SNTG2: variants seen among roughly 807,000 people sequenced by gnomAD.
SNTG2 encodes syntrophin gamma 2, also known as gamma-2-syntrophin.
SNTG2 carries 74 observed loss-of-function variants against 70.9 expected under a neutral mutation model. The observed-to-expected ratio is 1.04, with a 90% CI of 0.86 to 1.27. The LOEUF is 1.27. Among genes scored for constraint, SNTG2 ranks in the 50% most tolerant of loss-of-function variants. SNTG2 has a pLI of 0.00. For missense variants in SNTG2, 717 were observed against 690.7 expected (o/e 1.04, Z -0.43); for synonymous variants, 278 against 273.8 (o/e 1.02, Z -0.15).
chr2:1,198,248 A>G (rs1673051767), intron 8 of SNTG2, among the ~76,000 whole-genome samples: 2 of 152,166 alleles, frequency 1.3e-5, no homozygotes, highest in South Asian at 2.1e-4. Flanking sequence ...ATGCCCCTGA[A>G]CAACCATTGG....
chr2:1,244,057 A>G (rs1348301323), intron 11 of SNTG2, among the ~76,000 whole-genome samples: 2 of 152,154 alleles, frequency 1.3e-5, no homozygotes, highest in African/African-American at 4.8e-5. Context: ...GTGGCTGGGG[A>G]AGTGGAGGAA....
At chr2:1,259,074 T>A (rs1209095871) in intron 12 of SNTG2, among the ~76,000 whole-genome samples, 3 of 152,196 alleles carry the variant, frequency 2.0e-5, no homozygotes, top group African/African-American at 4.8e-5. Flanking sequence ...CAATTGCATG[T>A]GATAGACAAG....
At chr2:1,063,387 A>G (rs900202429) in intron 1 of SNTG2, among the ~76,000 whole-genome samples, 2 of 152,156 alleles carry the variant, frequency 1.3e-5, no homozygotes, top group African/African-American at 4.8e-5. Context: ...TCAAAGAAGC[A>G]GGAGGCATTT....
chr2:1,258,386 T>C (rs1678238196), intron 12 of SNTG2, among the ~76,000 whole-genome samples: 1 of 152,238 alleles, frequency 6.6e-6, no homozygotes, highest in Non-Finnish European at 1.5e-5. Context: ...ACTTTCAAAT[T>C]GTTCCCTTTA....
At chr2:1,255,853 AAT>A (rs1262250611) in intron 12 of SNTG2, among the ~76,000 whole-genome samples, 8 of 39,558 alleles carry the variant, frequency 2.0e-4, no homozygotes, top group Non-Finnish European at 2.8e-4. Flanking sequence ...AATATATATA[AAT>A]ATATATAAAT....
intron 16 of SNTG2, among the ~76,000 whole-genome samples, chr2:1,341,851 T>C (rs1660111997): frequency 2.2e-5 from 2 of 91,306 alleles, no homozygotes; most frequent in Non-Finnish European, 4.0e-5. Flanking sequence ...TATCGCTTTT[T>C]TTTTTTTTTT....
intron 9 of SNTG2, among the ~76,000 whole-genome samples, chr2:1,223,765 G>A (rs1221609438): frequency 6.6e-6 from 1 of 152,156 alleles, no homozygotes; most frequent in Non-Finnish European, 1.5e-5. Flanking sequence ...CATGACCTCA[G>A]CACACTAACC....
chr2:1,233,121 G>A lies in SNTG2; in HGVS notation c.720-4767G>A, dbSNP rs1317821437. On this transcript the variant is annotated intron_variant, in intron 9 of 16. Coordinates refer to ENST00000308624, the MANE Select transcript of SNTG2 (RefSeq NM_018968.4). ...CCAATGTATTTATTCTTTAAAAACT[G>A]GACAGCTTATTAAAAAGGCGATTTA... 2.6e-5 allele frequency among the ~76,000 whole-genome samples: 4 copies of A among 152,186 alleles called. 1 individual carries two copies. The highest frequency in any genetic ancestry group is 5.9e-5 in the Non-Finnish European group (4 of 68,042).
At chr2:1,135,732 CA>C (rs2148327048) in intron 4 of SNTG2, among the ~76,000 whole-genome samples, 1 of 152,128 alleles carries the variant, frequency 6.6e-6, no homozygotes, top group Admixed American at 6.5e-5. Flanking sequence ...CAAAACAAAA[CA>C]AAAAAACAAA....
intron 16 of SNTG2, among the ~76,000 whole-genome samples, chr2:1,335,015 A>AATGGTT (rs1468982946): frequency 2.6e-5 from 4 of 152,216 alleles, no homozygotes; most frequent in African/African-American, 9.6e-5. Context: ...TTGTTTCTTA[A>AATGGTT]ATGGTTATGT....
At chr2:1,158,988 G>A (rs1670084557) in intron 6 of SNTG2, among the ~76,000 whole-genome samples, 1 of 152,134 alleles carries the variant, frequency 6.6e-6, no homozygotes, top group African/African-American at 2.4e-5. Flanking sequence ...GTAGAGGAGA[G>A]GAAGTCAGCT....
chr2:1,054,306 G>A (rs2148089427), intron 1 of SNTG2, among the ~76,000 whole-genome samples: 1 of 152,226 alleles, frequency 6.6e-6, no homozygotes, highest in Admixed American at 6.5e-5. Context: ...CTGGGCTGTG[G>A]CTGGAGCATC....
chr2:1,214,071 T>C (rs1360398155), intron 9 of SNTG2, among the ~76,000 whole-genome samples: 3 of 152,294 alleles, frequency 2.0e-5, no homozygotes, highest in Non-Finnish European at 4.4e-5. Flanking sequence ...GATCTGTGGG[T>C]TTATTTCTGG....
At chr2:1,057,169 A>G (rs928214592) in intron 1 of SNTG2, among the ~76,000 whole-genome samples, 3 of 152,046 alleles carry the variant, frequency 2.0e-5, no homozygotes, top group Non-Finnish European at 2.9e-5. Context: ...ACTGTAATGT[A>G]TTTATTCTAA....
intron 6 of SNTG2, among the ~76,000 whole-genome samples, chr2:1,155,052 A>G (rs953595190): frequency 1.3e-5 from 2 of 151,784 alleles, no homozygotes; most frequent in African/African-American, 2.4e-5. Context: ...CACACCACAC[A>G]CATAAACACA....
At chr2:1,221,889 CTGTGT>C (rs1675000387) in intron 9 of SNTG2, among the ~76,000 whole-genome samples, 1 of 31,596 alleles carries the variant, frequency 3.2e-5, no homozygotes, top group African/African-American at 2.5e-4. Context: ...CTGTCTCTGT[CTGTGT>C]CTCTCTCTGT....
chr2:1,268,176 A>G (rs1281872808), intron 14 of SNTG2, among the ~76,000 whole-genome samples: 1 of 152,098 alleles, frequency 6.6e-6, no homozygotes, highest in Non-Finnish European at 1.5e-5. Context: ...TTCAGGGAGG[A>G]TGTGTGCTGC....
chr2:1,082,845 GTCTT>G (rs1664425653), intron 1 of SNTG2, among the ~76,000 whole-genome samples: 1 of 152,230 alleles, frequency 6.6e-6, no homozygotes. Flanking sequence ...TTTCTGAACT[GTCTT>G]TCCTTCATCT....
chr2:1,177,526 T>G (rs1237695235), intron 8 of SNTG2, among the ~76,000 whole-genome samples: 3 of 150,154 alleles, frequency 2.0e-5, no homozygotes, highest in Non-Finnish European at 4.4e-5. Flanking sequence ...GAACCAGAAG[T>G]TAAAAAGAAA....
Sources: gnomAD v4.1 joint callset for allele counts (sites outside exome capture counted in the v4.1 genomes callset) on GRCh38, gnomAD v4.1.1 for gene constraint, MANE v1.5 for transcripts, NCBI Gene and HGNC (gene_info 2026-07-23, HGNC 2026-07-21) for gene names.